SLC22A3: variants seen among roughly 807,000 people sequenced by gnomAD.
SLC22A3 encodes the protein solute carrier family 22 member 3, also known as EMT organic cation transporter 3.
In SLC22A3, 51 loss-of-function variants were observed where a neutral mutation model predicts 59.1. The observed-to-expected ratio is 0.86, with a 90% CI of 0.69 to 1.09. SLC22A3 has a LOEUF of 1.09. Ranked by LOEUF, SLC22A3 falls within the 50% of genes least tolerant of loss-of-function variation. The pLI, the probability that SLC22A3 is intolerant of heterozygous loss-of-function variation, is 0.00. For synonymous variants in SLC22A3, 325 were observed against 292.0 expected, an observed-to-expected ratio of 1.11 and a Z score of -1.15; for missense variants, 711 against 726.3, an observed-to-expected ratio of 0.98 and a Z score of 0.24.
intron 1 of SLC22A3, among the ~76,000 whole-genome samples, chr6:160,364,125 A>G (rs948423811): frequency 2.0e-5 from 3 of 152,314 alleles, no homozygotes; most frequent in Non-Finnish European, 4.4e-5. Flanking sequence ...AATAGCTACT[A>G]CAGGGATGAG....
Position 160,407,119 on chromosome 6 carries a change from C to T in SLC22A3, c.612C>T (p.Asn204=), listed in dbSNP as rs780109445. 3 of 1,612,152 alleles carry T rather than the reference C, an allele frequency of 1.9e-6. No homozygotes were observed. Among genetic ancestry groups the T allele is most frequent in the Non-Finnish European group, 2.5e-6 (3 of 1,179,120 alleles). The change falls in exon 3 of 11, where the codon AAC becomes AAT. Residue 204 remains asparagine (N), a synonymous_variant. Transcript: ENST00000275300. The stretch of plus-strand genomic sequence containing the variant: ...GGGTTGTGGTGGCCTTTGCACCAAA[C>T]TTCCCTGTGTTTGTGATCTTCCGCT... ...VTGVVVAFAP[N]FPVFVIFRFL...
intron 1 of SLC22A3, among the ~76,000 whole-genome samples, chr6:160,375,104 T>A (rs1298301889): frequency 1.3e-5 from 2 of 152,186 alleles, no homozygotes; most frequent in African/African-American, 4.8e-5. Flanking sequence ...AGCATGTCTT[T>A]CCAGAAATTT....
chr6:160,372,274 A>G (rs1283580306), intron 1 of SLC22A3, among the ~76,000 whole-genome samples: 2 of 152,156 alleles, frequency 1.3e-5, no homozygotes, highest in South Asian at 2.1e-4. Flanking sequence ...AGTCTGTTAT[A>G]TGAAACTCTG....
At chr6:160,388,466 C>T (rs1489848291) in intron 1 of SLC22A3, among the ~76,000 whole-genome samples, 1 of 152,128 alleles carries the variant, frequency 6.6e-6, no homozygotes, top group Admixed American at 6.5e-5. Context: ...TGGTAAGTTC[C>T]CAGATGATGC....
Position 160,408,743 on chromosome 6 carries a change from T to C in SLC22A3, c.689-10T>C. 1 of 1,613,420 alleles carries C rather than the reference T, an allele frequency of 6.2e-7. No individual in the cohort carries two copies. The highest frequency in any genetic ancestry group is 1.1e-5 in the South Asian group (1 of 91,058). ...TGCTTCTGTGACCTCTTGTGTTTGT[T>C]TTCCTTTAGTGACAGAAATAGTAGG... On this transcript the variant is annotated splice_polypyrimidine_tract_variant and intron_variant, in intron 3 of 10. Coordinates refer to ENST00000275300, the MANE Select transcript of SLC22A3 (RefSeq NM_021977.4).
At chr6:160,412,670 G>A (rs999174931) in intron 5 of SLC22A3, among the ~76,000 whole-genome samples, 2 of 152,058 alleles carry the variant, frequency 1.3e-5, no homozygotes, top group Admixed American at 1.3e-4. Flanking sequence ...TTCCTTTTAG[G>A]GAAAAATAAT....
At chr6:160,409,483 C>T (rs1409927915) in intron 4 of SLC22A3, among the ~76,000 whole-genome samples, 1 of 141,332 alleles carries the variant, frequency 7.1e-6, no homozygotes, top group African/African-American at 2.7e-5. Flanking sequence ...AATAAACATA[C>T]GTGTGCATGT....
intron 1 of SLC22A3, among the ~76,000 whole-genome samples, chr6:160,382,561 CT>C (rs1221407368): frequency 6.6e-6 from 1 of 152,166 alleles, no homozygotes; most frequent in Admixed American, 6.6e-5. Flanking sequence ...CACAATAGAA[CT>C]CAGAAAGGCT....
chr6:160,365,079 G>A (rs980785932), intron 1 of SLC22A3, among the ~76,000 whole-genome samples: 3 of 151,838 alleles, frequency 2.0e-5, no homozygotes, highest in African/African-American at 7.3e-5. Flanking sequence ...CTTGATTCAT[G>A]AACCATTAAG....
chr6:160,378,574 G>A (rs7754846), intron 1 of SLC22A3, among the ~76,000 whole-genome samples: 3,722 of 152,258 alleles, frequency 0.024, 149 homozygotes, highest in Middle Eastern at 0.11. Flanking sequence ...ATTTCTTTTC[G>A]TGGAATGTCT....
rs546731256 is a variant in SLC22A3, at chr6:160,355,132, C to A, written c.429+6284C>A. Reference sequence around the variant, plus strand: ...ATAAGAAATAAGCTTTATTGTGTTACACAACTGAGGCTTGGGAGACTGCTT... The same window carrying A: ...ATAAGAAATAAGCTTTATTGTGTTAAACAACTGAGGCTTGGGAGACTGCTT... On this transcript the variant is annotated intron_variant, in intron 1 of 10. Transcript: ENST00000275300. Among the ~76,000 whole-genome samples, 36 of 152,344 alleles carry A rather than the reference C, an allele frequency of 2.4e-4. No homozygotes were observed. In the East Asian group the frequency reaches 5.8e-3, roughly 24 times the overall value.
At chr6:160,390,647 G>A (rs1786218487) in intron 1 of SLC22A3, among the ~76,000 whole-genome samples, 1 of 152,184 alleles carries the variant, frequency 6.6e-6, no homozygotes, top group Admixed American at 6.5e-5. Context: ...ATGCAGCTGT[G>A]TGGACCAGGA....
At chr6:160,441,216 C>A (rs1788525685) in intron 7 of SLC22A3, among the ~76,000 whole-genome samples, 1 of 152,136 alleles carries the variant, frequency 6.6e-6, no homozygotes, top group South Asian at 2.1e-4. Context: ...CCCAGGGAAT[C>A]TGAGTCTCTG....
intron 1 of SLC22A3, among the ~76,000 whole-genome samples, chr6:160,395,815 T>C (rs1271027047): frequency 6.6e-6 from 1 of 152,250 alleles, no homozygotes; most frequent in Non-Finnish European, 1.5e-5. Context: ...GGTCATTAGC[T>C]GTAAAACCAA....
At chr6:160,351,072 A>C (rs1428058844) in intron 1 of SLC22A3, among the ~76,000 whole-genome samples, 2 of 152,200 alleles carry the variant, frequency 1.3e-5, no homozygotes, top group East Asian at 3.8e-4. Flanking sequence ...GTAAAGCCCC[A>C]AAAAAGTTTT....
At chr6:160,444,403 G>C (rs959916476) in intron 9 of SLC22A3, among the ~76,000 whole-genome samples, 4 of 152,100 alleles carry the variant, frequency 2.6e-5, no homozygotes, top group African/African-American at 9.7e-5. Flanking sequence ...ATGTCTAATT[G>C]TATTTCTGGT....
At chr6:160,354,158 G>T (rs968840178) in intron 1 of SLC22A3, among the ~76,000 whole-genome samples, 1 of 152,136 alleles carries the variant, frequency 6.6e-6, no homozygotes, top group South Asian at 2.1e-4. Context: ...GGACCCACGG[G>T]TTATTTTTGG....
chr6:160,419,543 T>G (rs958002204), intron 5 of SLC22A3, among the ~76,000 whole-genome samples: 1 of 152,118 alleles, frequency 6.6e-6, no homozygotes, highest in Non-Finnish European at 1.5e-5. Flanking sequence ...GCACATGGAG[T>G]ATCTGAGGGC....
At position 160,401,126 on chromosome 6, in the gene SLC22A3, G is replaced by A. The variant is rs557979127; in HGVS notation, c.533+3044G>A. Among the ~76,000 whole-genome samples, 115 of 151,522 alleles carry A rather than the reference G, an allele frequency of 7.6e-4. 1 individual carries two copies. Among genetic ancestry groups the A allele is most frequent in the African/African-American group, 2.6e-3 (108 of 41,406 alleles). ...ATACCAAAAGGAGAATAAAGAGAGC[G>A]AGAAATAGAAAAAATATTTTAAACA... On this transcript the variant is annotated intron_variant, in intron 2 of 10. Transcript: ENST00000275300.
Sources: gnomAD v4.1 joint callset for allele counts (sites outside exome capture counted in the v4.1 genomes callset) on GRCh38, gnomAD v4.1.1 for gene constraint, MANE v1.5 for transcripts, NCBI Gene and HGNC (gene_info 2026-07-23, HGNC 2026-07-21) for gene names.